GRIN2A: variants seen among roughly 807,000 people sequenced by gnomAD.
The protein encoded by GRIN2A is glutamate ionotropic receptor NMDA type subunit 2A, also known as glutamate receptor ionotropic, NMDA 2A.
Under a neutral mutation model 113.4 loss-of-function variants are expected in GRIN2A, and 22 were observed. The observed-to-expected ratio is 0.19, with a 90% CI of 0.14 to 0.28. The LOEUF (loss-of-function observed/expected upper bound fraction) is 0.28, where lower values mean the gene tolerates loss of function less well. Ranked by LOEUF, GRIN2A falls within the 10% of genes least tolerant of loss-of-function variation. The pLI is 1.00. For missense variants in GRIN2A, 1,502 were observed against 1,887.0 expected (o/e 0.80, Z 3.78); for synonymous variants, 827 against 738.4 (o/e 1.12, Z -1.94).
intron 10 of GRIN2A, among the ~76,000 whole-genome samples, chr16:9,817,761 C>T (rs1279392580): frequency 4.6e-5 from 7 of 152,218 alleles, no homozygotes; most frequent in Non-Finnish European, 1.0e-4. Flanking sequence ...AAATTACAAC[C>T]CACAATTTCA....
At chr16:10,004,175 A>T (rs954850506) in intron 2 of GRIN2A, among the ~76,000 whole-genome samples, 4 of 151,898 alleles carry the variant, frequency 2.6e-5, no homozygotes, top group Non-Finnish European at 5.9e-5. Context: ...CACATCACGA[A>T]GTCAGGAGTT....
chr16:9,943,227 G>A (rs1466276494), intron 2 of GRIN2A: 1 of 152,230 alleles, frequency 6.6e-6, no homozygotes, highest in Non-Finnish European at 1.5e-5. Context: ...GCAGCTGGGG[G>A]AGAGGAACAG....
At chr16:10,007,949 C>A (rs1432445384) in intron 2 of GRIN2A, among the ~76,000 whole-genome samples, 3 of 152,162 alleles carry the variant, frequency 2.0e-5, no homozygotes, top group Admixed American at 1.3e-4. Context: ...CATTCTACCT[C>A]TTTGAGCCTC....
At chr16:9,962,347 T>G (rs1277486770) in intron 2 of GRIN2A, among the ~76,000 whole-genome samples, 1 of 151,812 alleles carries the variant, frequency 6.6e-6, no homozygotes, top group East Asian at 1.9e-4. Flanking sequence ...GGGAGAAAAT[T>G]TTCGCAACCT....
intron 2 of GRIN2A, among the ~76,000 whole-genome samples, chr16:10,005,490 A>T (rs2046390107): frequency 6.6e-6 from 1 of 152,238 alleles, no homozygotes; most frequent in Non-Finnish European, 1.5e-5. Flanking sequence ...ATAGGGGCCA[A>T]GTGTGTACCA....
chr16:9,968,021 G>T (rs1284746873), intron 2 of GRIN2A, among the ~76,000 whole-genome samples: 1 of 152,156 alleles, frequency 6.6e-6, no homozygotes, highest in Non-Finnish European at 1.5e-5. Flanking sequence ...TCCAAAGGTA[G>T]TCCCCATCTA....
intron 2 of GRIN2A, among the ~76,000 whole-genome samples, chr16:10,096,182 G>GT (rs1236555872): frequency 6.6e-6 from 1 of 152,164 alleles, no homozygotes; most frequent in Non-Finnish European, 1.5e-5. Flanking sequence ...TTCTATGTTT[G>GT]TTTTTTAGGC....
chr16:10,091,528 C>G (rs530817345), intron 2 of GRIN2A, among the ~76,000 whole-genome samples: 6 of 152,024 alleles, frequency 3.9e-5, no homozygotes, highest in African/African-American at 1.4e-4. Context: ...TAGTGTATAC[C>G]TGTAGTCCCA....
intron 4 of GRIN2A, among the ~76,000 whole-genome samples, chr16:9,882,107 C>T (rs114253353): frequency 0.01 from 1,527 of 152,162 alleles, 35 homozygotes; most frequent in African/African-American, 0.035. Context: ...TAACAACCTG[C>T]ATGTTTTCTT....
chr16:10,090,367 G>A (rs922677415), intron 2 of GRIN2A, among the ~76,000 whole-genome samples: 7 of 152,082 alleles, frequency 4.6e-5, no homozygotes, highest in South Asian at 2.1e-4. Flanking sequence ...AAAACTGAAC[G>A]TTTAGAAATA....
At chr16:10,119,535 T>C (rs1445657683) in intron 2 of GRIN2A, among the ~76,000 whole-genome samples, 2 of 152,180 alleles carry the variant, frequency 1.3e-5, no homozygotes, top group Non-Finnish European at 2.9e-5. Context: ...GAAGGCGGCT[T>C]TTTGTCTAGC....
At chr16:10,004,415 T>C (rs1447565607) in intron 2 of GRIN2A, among the ~76,000 whole-genome samples, 1 of 150,556 alleles carries the variant, frequency 6.6e-6, no homozygotes. Flanking sequence ...AATTATGGGA[T>C]GTTTCTTACG....
rs200651963 is a variant in GRIN2A, at chr16:10,180,066, T to C, written c.346A>G (p.Ile116Val). 1.9e-6 allele frequency: 3 copies of C among 1,613,954 alleles called. No individual in the cohort carries two copies. The highest frequency in any genetic ancestry group is 2.5e-6 in the Non-Finnish European group (3 of 1,179,978). The change falls in exon 2 of 13, where the codon ATC becomes GTC. Residue 116 changes from isoleucine to valine, a missense_variant. Ile to Val is a conservative substitution (Grantham distance 29). Coordinates refer to ENST00000330684, the MANE Select transcript of GRIN2A (RefSeq NM_001134407.3). The surrounding 1 kb of genome is among the most constrained non-coding windows in gnomAD (Gnocchi z 7.0). ...ATGGGGACGAAGGTGTGGGAGGAGA[T>C]AAAATCCAGCATCTGGGCTACGGCC... ...QEAVAQMLDFISSHTFVPILG... is the reference protein window; with the variant it reads ...QEAVAQMLDFVSSHTFVPILG...
At chr16:9,834,315 G>A (rs1382586805) in intron 7 of GRIN2A, 85 bp from the exon 8 acceptor site, 2 of 1,276,736 alleles carry the variant, frequency 1.6e-6, no homozygotes, top group Non-Finnish European at 1.1e-6. Flanking sequence ...TCCATTTGCA[G>A]GCTCGCCAAA....
At chr16:10,179,567 G>T (rs1437004615) in intron 2 of GRIN2A, 1 of 207,550 alleles carries the variant, frequency 4.8e-6, no homozygotes, top group East Asian at 1.2e-4. Flanking sequence ...CTTACCATAA[G>T]AGGAAAAAAT....
chr16:10,085,565 G>C (rs915541925), intron 2 of GRIN2A, among the ~76,000 whole-genome samples: 1 of 152,142 alleles, frequency 6.6e-6, no homozygotes, highest in East Asian at 1.9e-4. Flanking sequence ...CTAGTTCTGG[G>C]TGTGCAAATC....
intron 11 of GRIN2A, among the ~76,000 whole-genome samples, chr16:9,788,672 TTTC>T (rs1902397001): frequency 6.6e-6 from 1 of 152,004 alleles, no homozygotes; most frequent in Non-Finnish European, 1.5e-5. Context: ...TTTGTCTTTC[TTTC>T]TTCTTGTTCT....
intron 2 of GRIN2A, among the ~76,000 whole-genome samples, chr16:10,035,747 A>G (rs1489761581): frequency 5.5e-5 from 8 of 145,148 alleles, no homozygotes; most frequent in Non-Finnish European, 1.2e-4. Flanking sequence ...TTTTTGAGAT[A>G]GGGTCTCACT....
At chr16:10,054,871 C>A (rs931604363) in intron 2 of GRIN2A, among the ~76,000 whole-genome samples, 1 of 151,074 alleles carries the variant, frequency 6.6e-6, no homozygotes, top group Non-Finnish European at 1.5e-5. Flanking sequence ...TATGGTAAAA[C>A]CCCATCTCTA....
Sources: allele counts gnomAD v4.1 joint callset (sites outside exome capture counted in the v4.1 genomes callset), GRCh38; gene constraint gnomAD v4.1.1; non-coding constraint Gnocchi (gnomAD v3.1); transcripts MANE v1.5; gene names NCBI Gene and HGNC (gene_info 2026-07-23, HGNC 2026-07-21).